The following SEMA3A variants were observed in gnomAD, a reference collection of about 807,000 sequenced individuals.
SEMA3A encodes the protein semaphorin-3A.
A neutral mutation model predicts 97.9 loss-of-function variants in SEMA3A; 29 were observed. The ratio of observed to expected loss-of-function variants is 0.30; its 90% CI spans 0.22 to 0.40. The LOEUF (loss-of-function observed/expected upper bound fraction) is 0.40. SEMA3A is among the 10% of genes least tolerant of loss of function. SEMA3A has a pLI of 1.00. For missense variants in SEMA3A, 763 were observed against 951.3 expected (o/e 0.80, Z 2.60); for synonymous variants, 321 against 323.7 (o/e 0.99, Z 0.09).
chr7:84,220,004 T>A (rs1190629095), intron 3 of SEMA3A, among the ~76,000 whole-genome samples: 3 of 152,162 alleles, frequency 2.0e-5, no homozygotes, highest in Non-Finnish European at 2.9e-5. Flanking sequence ...TCTCTCCCTT[T>A]CATGAATAAT....
intron 6 of SEMA3A, among the ~76,000 whole-genome samples, chr7:84,029,818 C>T (rs965510801): frequency 3.1e-5 from 4 of 129,720 alleles, no homozygotes; most frequent in East Asian, 2.0e-4. Flanking sequence ...TATACACACA[C>T]ACACACACAC....
chr7:84,350,286 T>C (rs565845684), intron 2 of SEMA3A, among the ~76,000 whole-genome samples: 11 of 152,160 alleles, frequency 7.2e-5, no homozygotes, highest in Non-Finnish European at 1.6e-4. Flanking sequence ...TAACTTCTCG[T>C]GGTGCCTGAT....
intron 1 of SEMA3A, among the ~76,000 whole-genome samples, chr7:84,143,808 A>T (rs1796371443): frequency 6.6e-6 from 1 of 152,110 alleles, no homozygotes; most frequent in African/African-American, 2.4e-5. Context: ...TCAAAAAAAA[A>T]AAGAAAAGAA....
intron 1 of SEMA3A, among the ~76,000 whole-genome samples, chr7:84,414,380 T>C (rs1307241326): frequency 7.1e-6 from 1 of 140,828 alleles, no homozygotes; most frequent in Non-Finnish European, 1.5e-5. Flanking sequence ...ACATGATAAA[T>C]AATTGGCTAA....
intron 3 of SEMA3A, among the ~76,000 whole-genome samples, chr7:84,213,991 T>G (rs1798689221): frequency 6.6e-6 from 1 of 152,200 alleles, no homozygotes; most frequent in Non-Finnish European, 1.5e-5. Context: ...GAGAATATGA[T>G]AGTTATGAAA....
At chr7:83,968,804 C>CTTTTT (rs34837012) in intron 15 of SEMA3A, among the ~76,000 whole-genome samples, 49 of 86,930 alleles carry the variant, frequency 5.6e-4, no homozygotes, top group Non-Finnish European at 6.5e-4. Context: ...CTTTTCTTTC[C>CTTTTT]TTTTTTTTTT....
intron 1 of SEMA3A, among the ~76,000 whole-genome samples, chr7:84,446,422 C>T (rs192590098): frequency 6.6e-6 from 1 of 152,066 alleles, no homozygotes; most frequent in African/African-American, 2.4e-5. Context: ...ACATTCTCAA[C>T]AAAATACTAG....
chr7:84,358,134 A>G (rs1802616268), intron 2 of SEMA3A, among the ~76,000 whole-genome samples: 1 of 152,124 alleles, frequency 6.6e-6, no homozygotes, highest in African/African-American at 2.4e-5. Context: ...GAAGCTCTTT[A>G]GTTTAATTTG....
chr7:84,121,400 C>T (rs1795611006), intron 3 of SEMA3A, among the ~76,000 whole-genome samples: 1 of 150,498 alleles, frequency 6.6e-6, no homozygotes, highest in Non-Finnish European at 1.5e-5. Flanking sequence ...GTGATGTTTC[C>T]CCACCCTGTG....
chr7:84,208,625 G>A (rs1458625961), intron 3 of SEMA3A, among the ~76,000 whole-genome samples: 3 of 152,088 alleles, frequency 2.0e-5, no homozygotes, highest in Non-Finnish European at 4.4e-5. Context: ...CTTTTAAAAA[G>A]TATTTAATTA....
chr7:84,300,768 TA>T (rs751411660), intron 3 of SEMA3A, among the ~76,000 whole-genome samples: 2 of 151,918 alleles, frequency 1.3e-5, no homozygotes, highest in East Asian at 1.9e-4. Context: ...AGATTTTATT[TA>T]AAAAAAAGAA....
chr7:84,431,826 T>C (rs1176374244), intron 1 of SEMA3A, among the ~76,000 whole-genome samples: 1 of 151,966 alleles, frequency 6.6e-6, no homozygotes, highest in Non-Finnish European at 1.5e-5. Flanking sequence ...TCAAAGAGTT[T>C]ACAGTTGAGT....
intron 1 of SEMA3A, among the ~76,000 whole-genome samples, chr7:84,148,623 A>C (rs1208142848): frequency 2.0e-5 from 3 of 152,270 alleles, no homozygotes; most frequent in Non-Finnish European, 2.9e-5. Flanking sequence ...TCATTGATAT[A>C]TTATAACTTT....
chr7:84,071,911 G>C (rs115240497), intron 4 of SEMA3A, among the ~76,000 whole-genome samples: 1 of 152,128 alleles, frequency 6.6e-6, no homozygotes, highest in East Asian at 1.9e-4. Flanking sequence ...TACATACAGG[G>C]AGTAGCAAAG....
chr7:84,474,434 C>G (rs1806228134), intron 1 of SEMA3A, among the ~76,000 whole-genome samples: 1 of 151,886 alleles, frequency 6.6e-6, no homozygotes, highest in South Asian at 2.1e-4. Flanking sequence ...ATGTTGAGGA[C>G]TGCTCCTTTT....
At chr7:84,359,217 A>G (rs1385673546) in intron 2 of SEMA3A, among the ~76,000 whole-genome samples, 3 of 152,100 alleles carry the variant, frequency 2.0e-5, no homozygotes, top group Non-Finnish European at 4.4e-5. Flanking sequence ...GTCTTGTGCC[A>G]GTTTTCCAAG....
rs114354516 is a variant in SEMA3A at position 84,360,897 on chromosome 7, T to C, written c.-169+10927A>G. Among the ~76,000 whole-genome samples the C allele has an allele frequency of 2.7e-3, 410 of 152,038 alleles. 1 individual carries two copies. Among genetic ancestry groups the C allele is most frequent in the African/African-American group, 9.2e-3 (383 of 41,514 alleles). On this transcript the variant is annotated intron_variant, in intron 2 of 3. Coordinates refer to the SEMA3A transcript ENST00000424555. The stretch of plus-strand genomic sequence containing the variant: ...CAACCTCTGCCATGCCAGGTTCAAA[T>C]GCAAAGTCTACAAATTTAAACAACA...
intron 4 of SEMA3A, among the ~76,000 whole-genome samples, chr7:84,074,409 C>T (rs1793864738): frequency 6.6e-6 from 1 of 152,064 alleles, no homozygotes; most frequent in South Asian, 2.1e-4. Flanking sequence ...TCACTAAGTG[C>T]TGAGGAATTT....
At chr7:84,198,497 C>G (rs73179400), upstream of SEMA3A, among the ~76,000 whole-genome samples, 2 of 152,018 alleles carry the variant, frequency 1.3e-5, no homozygotes, top group African/African-American at 4.8e-5. Flanking sequence ...CCACTGTGCC[C>G]GGCCTTATAT....
Sources: gnomAD v4.1 joint callset for allele counts (sites outside exome capture counted in the v4.1 genomes callset) on GRCh38, gnomAD v4.1.1 for gene constraint, MANE v1.5 for transcripts, NCBI Gene and HGNC (gene_info 2026-07-23, HGNC 2026-07-21) for gene names.